SAMD5: variants seen among roughly 807,000 people sequenced by gnomAD.
SAMD5 encodes the protein sterile alpha motif domain containing 5.
SAMD5 carries 13 observed loss-of-function variants against 11.3 expected under a neutral mutation model. The ratio of observed to expected loss-of-function variants is 1.15; its 90% CI spans 0.75 to 1.83. The LOEUF (loss-of-function observed/expected upper bound fraction) is 1.83, where lower values mean the gene tolerates loss of function less well. Ranked by LOEUF, SAMD5 falls within the 40% of genes most tolerant of loss-of-function variation. The pLI is 0.00. For synonymous variants in SAMD5, 129 were observed against 111.3 expected (o/e 1.16, Z -1.00); for missense variants, 255 against 239.1 (o/e 1.07, Z -0.44).
the SAMD5 span, among the ~76,000 whole-genome samples, chr6:147,842,340 T>G: frequency 6.6e-6 from 1 of 151,900 alleles, no homozygotes; most frequent in Non-Finnish European, 1.5e-5. Context: ...ATCACAACCC[T>G]CAGCATTGTG....
At chr6:147,803,236 GTTTC>G in the SAMD5 span, among the ~76,000 whole-genome samples, 1 of 147,796 alleles carries the variant, frequency 6.8e-6, no homozygotes, top group African/African-American at 2.5e-5. Flanking sequence ...GATTGTATAT[GTTTC>G]TTCGTTGATT....
chr6:147,514,354 A>T (rs1037068062), intron 1 of SAMD5, among the ~76,000 whole-genome samples: 1 of 151,968 alleles, frequency 6.6e-6, no homozygotes, highest in Non-Finnish European at 1.5e-5. Context: ...GAGGAGATGG[A>T]AGGATTAGAG....
chr6:147,563,573 GGAT>G (rs528717630), intron 1 of SAMD5, among the ~76,000 whole-genome samples: 3 of 152,118 alleles, frequency 2.0e-5, no homozygotes, highest in Non-Finnish European at 4.4e-5. Context: ...ATCTGTCAAG[GGAT>G]TGTGGGCACA....
At chr6:147,848,929 T>G in the SAMD5 span, among the ~76,000 whole-genome samples, 1 of 152,044 alleles carries the variant, frequency 6.6e-6, no homozygotes, top group African/African-American at 2.4e-5. Context: ...ATATGAATTC[T>G]TTAGCTCAGG....
At chr6:147,761,680 C>T in the SAMD5 span, among the ~76,000 whole-genome samples, 1 of 152,046 alleles carries the variant, frequency 6.6e-6, no homozygotes, top group African/African-American at 2.4e-5. Flanking sequence ...AAAAAGTAAG[C>T]TTTTGTAGAA....
Position 147,693,148 on chromosome 6 carries a change from G to C in SAMD5, c.163-44169G>C, listed in dbSNP as rs9485214. Reference sequence around the variant, plus strand: ...TTCAATTCTGCCCCTATGAGAGCACGAGCACCTGTCTGGACTACACTGGCA... The same window carrying C: ...TTCAATTCTGCCCCTATGAGAGCACCAGCACCTGTCTGGACTACACTGGCA... On this transcript the variant is annotated intron_variant, in intron 1 of 1. Transcript: ENST00000566741. Among the ~76,000 whole-genome samples the C allele has an allele frequency of 8.5e-4, 130 of 152,342 alleles. 2 individuals are homozygous for C. Among genetic ancestry groups the C allele is most frequent in the African/African-American group, 3.1e-3 (127 of 41,578 alleles).
intron 1 of SAMD5, among the ~76,000 whole-genome samples, chr6:147,678,881 C>T (rs1485268091): frequency 1.3e-5 from 2 of 152,062 alleles, no homozygotes; most frequent in African/African-American, 4.8e-5. Context: ...GGTGTATACC[C>T]ATGAAACCAT....
At chr6:147,782,491 C>G in the SAMD5 span, among the ~76,000 whole-genome samples, 1 of 152,232 alleles carries the variant, frequency 6.6e-6, no homozygotes, top group African/African-American at 2.4e-5. Flanking sequence ...GCTCCTAGTG[C>G]AGTGCTTTTT....
intron 1 of SAMD5, among the ~76,000 whole-genome samples, chr6:147,560,220 C>A: frequency 6.6e-6 from 1 of 152,104 alleles, no homozygotes; most frequent in East Asian, 1.9e-4. Flanking sequence ...GTGAGGCTCT[C>A]CATGCAAATT....
At chr6:147,941,522 TG>T in the SAMD5 span, among the ~76,000 whole-genome samples, 1 of 152,070 alleles carries the variant, frequency 6.6e-6, no homozygotes, top group African/African-American at 2.4e-5. Flanking sequence ...GCCGAAGCAC[TG>T]TAATAACTCA....
the SAMD5 span, among the ~76,000 whole-genome samples, chr6:147,801,263 A>G: frequency 6.6e-6 from 1 of 152,202 alleles, no homozygotes; most frequent in Non-Finnish European, 1.5e-5. Context: ...CTATTAAAGC[A>G]TTAAGTGACT....
At chr6:147,534,289 T>C (rs936950155) in intron 1 of SAMD5, among the ~76,000 whole-genome samples, 3 of 152,180 alleles carry the variant, frequency 2.0e-5, no homozygotes, top group African/African-American at 7.2e-5. Context: ...AAGGACTGTG[T>C]TCTTTTTTCT....
At chr6:147,863,807 C>CT in the SAMD5 span, among the ~76,000 whole-genome samples, 1 of 124,280 alleles carries the variant, frequency 8.0e-6, no homozygotes, top group African/African-American at 3.0e-5. Flanking sequence ...CCAGTTGTTT[C>CT]TTTTCATCAT....
At chr6:147,894,814 C>T in the SAMD5 span, among the ~76,000 whole-genome samples, 2 of 152,172 alleles carry the variant, frequency 1.3e-5, no homozygotes, top group Non-Finnish European at 2.9e-5. Flanking sequence ...GTAACTGAGG[C>T]TCATTTTTTG....
At chr6:147,731,333 G>T (rs1179868003) in intron 1 of SAMD5, among the ~76,000 whole-genome samples, 1 of 152,152 alleles carries the variant, frequency 6.6e-6, no homozygotes, top group Non-Finnish European at 1.5e-5. Flanking sequence ...ACATAGGTCA[G>T]TCAGAAGAAC....
intron 1 of SAMD5, among the ~76,000 whole-genome samples, chr6:147,562,451 T>C (rs1788965967): frequency 6.6e-6 from 1 of 152,210 alleles, no homozygotes; most frequent in Non-Finnish European, 1.5e-5. Flanking sequence ...CACAAATAGC[T>C]TGTTTTCTTG....
At chr6:147,650,951 G>A (rs927612081) in intron 1 of SAMD5, among the ~76,000 whole-genome samples, 1 of 108,514 alleles carries the variant, frequency 9.2e-6, no homozygotes, top group Non-Finnish European at 1.8e-5. Context: ...AGGCTAGTTG[G>A]ATTTTTATTA....
At chr6:147,661,802 T>C (rs1790652153) in intron 1 of SAMD5, among the ~76,000 whole-genome samples, 1 of 152,058 alleles carries the variant, frequency 6.6e-6, no homozygotes, top group East Asian at 1.9e-4. Flanking sequence ...GCTAATTTTT[T>C]GTATTTTTCG....
chr6:147,691,320 T>C (rs1313602801), intron 1 of SAMD5, among the ~76,000 whole-genome samples: 1 of 152,156 alleles, frequency 6.6e-6, no homozygotes, highest in African/African-American at 2.4e-5. Flanking sequence ...TAGAGAGATA[T>C]TTAACTCTAT....
Sources: gnomAD v4.1 joint callset for allele counts (sites outside exome capture counted in the v4.1 genomes callset) on GRCh38, gnomAD v4.1.1 for gene constraint, MANE v1.5 for transcripts, NCBI Gene and HGNC (gene_info 2026-07-23, HGNC 2026-07-21) for gene names.